ANKRD18B: variants seen among roughly 807,000 people sequenced by gnomAD.
ANKRD18B encodes ankyrin repeat domain 18B, also known as ankyrin repeat domain-containing protein 18B.
A neutral mutation model predicts 111.8 loss-of-function variants in ANKRD18B; 75 were observed. The observed-to-expected ratio is 0.67, with a 90% CI of 0.56 to 0.81. The LOEUF is 0.81. Ranked by LOEUF, ANKRD18B falls within the 40% of genes least tolerant of loss-of-function variation. The pLI is 0.00. For synonymous variants in ANKRD18B, 356 were observed against 417.3 expected (o/e 0.85, Z 1.79); for missense variants, 1,038 against 1,225.5 (o/e 0.85, Z 2.28).
chr9:33,525,858 A>G (rs971699361), intron 1 of ANKRD18B, among the ~76,000 whole-genome samples: 1 of 150,358 alleles, frequency 6.7e-6, no homozygotes. Flanking sequence ...ATGTATAACA[A>G]ATTGTATATA....
intron 5 of ANKRD18B, among the ~76,000 whole-genome samples, chr9:33,535,565 G>A (rs914536217): frequency 6.6e-6 from 1 of 150,854 alleles, no homozygotes; most frequent in Non-Finnish European, 1.5e-5. Flanking sequence ...GTGATTACAG[G>A]CATGAGCCAC....
intron 10 of ANKRD18B, among the ~76,000 whole-genome samples, chr9:33,543,780 G>A (rs1828317683): frequency 6.6e-6 from 1 of 152,202 alleles, no homozygotes; most frequent in Non-Finnish European, 1.5e-5. Context: ...TGCCTATTGA[G>A]AGAATTATGC....
intron 1 of ANKRD18B, among the ~76,000 whole-genome samples, chr9:33,526,655 T>G (rs1399160696): frequency 6.6e-6 from 1 of 152,190 alleles, no homozygotes; most frequent in Non-Finnish European, 1.5e-5. Context: ...TTTTTATCAT[T>G]ATTGTGAGGG....
In ANKRD18B at chr9:33,528,943, A is replaced by C. The variant is rs1587255546; in HGVS notation, c.322-57A>C. The C allele has an allele frequency of 8.1e-6, 13 of 1,597,350 alleles. No individual in the cohort carries two copies. In the East Asian group the frequency reaches 2.7e-4, roughly 33 times the overall value. On this transcript the variant is annotated intron_variant, in intron 2 of 18. Transcript: ENST00000684830. ...TATAGCTAGTTGGTGAAACCTGTGG[A>C]ATATGTATTTTGAATTCTTAGAATT...
At chr9:33,553,812 T>C (rs940449647) in intron 12 of ANKRD18B, among the ~76,000 whole-genome samples, 1 of 152,162 alleles carries the variant, frequency 6.6e-6, no homozygotes, top group Non-Finnish European at 1.5e-5. Context: ...GTGCCGTGGC[T>C]CACATCTGTA....
At chr9:33,550,019 T>A (rs1828423628) in intron 11 of ANKRD18B, among the ~76,000 whole-genome samples, 3 of 152,244 alleles carry the variant, frequency 2.0e-5, no homozygotes, top group Non-Finnish European at 4.4e-5. Context: ...GATTGAAGTT[T>A]GTACGGGACA....
chr9:33,558,247 G>A, intron 14 of ANKRD18B, 60 bp downstream of exon 14: 1 of 1,526,206 alleles, frequency 6.6e-7, no homozygotes, highest in East Asian at 2.4e-5. Flanking sequence ...AGAGGTACAG[G>A]TTTGTTACAT....
Position 33,572,760 on chromosome 9 carries a change from A to C in ANKRD18B, c.*326A>C. On this transcript the variant is annotated 3_prime_UTR_variant, in exon 19 of 19. Transcript: ENST00000684830. ...TTACCATATATAGTAGGAGACTTAA[A>C]GAGTATCTGCCAGGTTTGTCCATAC... 2.0e-6 allele frequency: 2 copies of C among 1,000,552 alleles called. No homozygotes were observed. The highest frequency in any genetic ancestry group is 2.4e-6 in the Non-Finnish European group (2 of 836,618). The allele number at this position is 1,000,552 out of a possible 1,614,324, so 62.0% of individuals were successfully genotyped here.
In ANKRD18B at chr9:33,524,576, C is replaced by T. The variant is rs1222518598; in HGVS notation, c.87C>T (p.His29=). The T allele has an allele frequency of 5.2e-6, 8 of 1,551,396 alleles. No individual in the cohort carries two copies. The Admixed American group carries it at 1.6e-4, about 30-fold the overall frequency. Residue 29 remains histidine (H), a synonymous_variant, in exon 1 of 19, where the codon CAC becomes CAT. Transcript: ENST00000684830. ...MDQEYAGRGY[H]IRDWELRKIH... is the part of the protein sequence containing the mutation. ...AAGAGTATGCGGGTCGGGGGTACCA[C>T]ATTCGGGACTGGGAACTGCGGAAGA... is the stretch of plus-strand genomic sequence containing the variant.
At chr9:33,534,963 G>C (rs562594892) in intron 5 of ANKRD18B, among the ~76,000 whole-genome samples, 2 of 151,616 alleles carry the variant, frequency 1.3e-5, no homozygotes, top group African/African-American at 4.8e-5. Context: ...ATTGGGTCTC[G>C]AAATGTCCAC....
At position 33,534,514 on chromosome 9, in the gene ANKRD18B, G is replaced by A; in HGVS notation, c.740+7G>A. The A allele has an allele frequency of 1.3e-6, 2 of 1,523,208 alleles. No homozygotes were observed. Among genetic ancestry groups the A allele is most frequent in the South Asian group, 2.6e-5 (2 of 78,246 alleles). 94.4% of individuals were successfully genotyped at this position (1,523,208 alleles called of 1,614,324 possible). On this transcript the variant is annotated splice_region_variant and intron_variant, in intron 5 of 18. Transcript: ENST00000684830. ...TTTGTTGTGATTTGAGAAGGTATGT[G>A]CTTATATTAAAAGACCGGTTAATAC... is the stretch of plus-strand genomic sequence containing the variant.
intron 12 of ANKRD18B, among the ~76,000 whole-genome samples, chr9:33,553,648 A>C (rs1003800899): frequency 6.6e-6 from 1 of 152,192 alleles, no homozygotes; most frequent in African/African-American, 2.4e-5. Context: ...TCCCAATGAC[A>C]TAGTTGAGTG....
chr9:33,558,214 T>A, intron 14 of ANKRD18B, 27 bp downstream of exon 14: 1 of 1,582,462 alleles, frequency 6.3e-7, no homozygotes, highest in Non-Finnish European at 8.6e-7. Flanking sequence ...TTATTTTATC[T>A]TAAGGTCTAG....
chr9:33,547,946 A>G lies in ANKRD18B; in HGVS notation c.1158A>G (p.Gln386=). The stretch of plus-strand genomic sequence containing the variant: ...TGTTTTGTTTTATTTAGGATTCTCA[A>G]AGTTATGGAAAAAAGAAGGATGAGA... ...RSENKQPQDS[Q]SYGKKKDEMF... is the part of the protein sequence containing the mutation. Residue 386 remains glutamine (Q), a synonymous_variant, in exon 11 of 19, where the codon CAA becomes CAG. Coordinates refer to ENST00000684830, the MANE Select transcript of ANKRD18B (RefSeq NM_001393611.1). 7.0e-7 allele frequency: 1 copy of G among 1,426,414 alleles called. No homozygotes were observed. The highest frequency in any genetic ancestry group is 1.7e-5 in the South Asian group (1 of 59,892). The allele number at this position is 1,426,414 out of a possible 1,614,324, so 88.4% of individuals were successfully genotyped here. A position where few individuals can be genotyped will look rare whatever the true frequency, so the allele number is the denominator to read the frequency against.
chr9:33,563,389 A>T (rs1192143979), intron 14 of ANKRD18B, among the ~76,000 whole-genome samples: 3 of 152,172 alleles, frequency 2.0e-5, no homozygotes, highest in Non-Finnish European at 2.9e-5. Context: ...TTGCTCTCCC[A>T]TGTGTTTGAT....
intron 16 of ANKRD18B, among the ~76,000 whole-genome samples, chr9:33,568,294 A>G (rs631499): frequency 2.6e-5 from 4 of 152,220 alleles, no homozygotes; most frequent in Non-Finnish European, 2.9e-5. Context: ...GCAAATTAAC[A>G]TAATCATTTT....
At chr9:33,556,004 A>G (rs1043384388) in intron 13 of ANKRD18B, among the ~76,000 whole-genome samples, 184 bp downstream of exon 13, 12 of 152,172 alleles carry the variant, frequency 7.9e-5, no homozygotes, top group Non-Finnish European at 1.6e-4. Flanking sequence ...GCAGGAGTCC[A>G]TGACCCTTGG....
chr9:33,559,521 C>T (rs1828575643), intron 14 of ANKRD18B, among the ~76,000 whole-genome samples: 1 of 152,066 alleles, frequency 6.6e-6, no homozygotes, highest in African/African-American at 2.4e-5. Context: ...GGGTGTGATT[C>T]CCAGACCCTT....
At chr9:33,558,492 T>G (rs2985613) in intron 14 of ANKRD18B, among the ~76,000 whole-genome samples, 3 of 152,188 alleles carry the variant, frequency 2.0e-5, no homozygotes, top group East Asian at 3.8e-4. Flanking sequence ...GATAACAGCT[T>G]CGAGTTCATC....
Sources: allele counts gnomAD v4.1 joint callset (sites outside exome capture counted in the v4.1 genomes callset), GRCh38; gene constraint gnomAD v4.1.1; transcripts MANE v1.5; gene names NCBI Gene and HGNC (gene_info 2026-07-23, HGNC 2026-07-21).